MTMR10: variants seen among roughly 807,000 people sequenced by gnomAD.
MTMR10 encodes the protein myotubularin-related protein 10.
In MTMR10, 56 loss-of-function variants were observed where a neutral mutation model predicts 88.1. That is an observed-to-expected ratio of 0.64 (90% CI 0.51 to 0.79). The LOEUF is 0.79. MTMR10 is among the 30% of genes least tolerant of loss of function. The pLI, the probability that MTMR10 is intolerant of heterozygous loss-of-function variation, is 0.00. For missense variants in MTMR10, 883 were observed against 924.7 expected (o/e 0.95, Z 0.58); for synonymous variants, 380 against 340.9 (o/e 1.11, Z -1.26).
Position 30,941,092 on chromosome 15 carries a change from T to G in MTMR10, c.*378A>C. ...AGGTTTTATCAGATGCTCCTAAAAA[T>G]GACACGAAACACAAATTTCCTAACT... On this transcript the variant is annotated 3_prime_UTR_variant, in exon 16 of 16. Coordinates refer to ENST00000435680, the MANE Select transcript of MTMR10 (RefSeq NM_017762.3). 8.2e-7 allele frequency: 1 copy of G among 1,224,116 alleles called. No individual in the cohort carries two copies. Among genetic ancestry groups the G allele is most frequent in the Non-Finnish European group, 1.0e-6 (1 of 961,468 alleles). The allele number at this position is 1,224,116 out of a possible 1,614,324, so 75.8% of individuals were successfully genotyped here.
chr15:30,940,384 A>ATGG lies in MTMR10; in HGVS notation c.*1083_*1085dup. ...GGGGAGCACTTCTGTCGCTATTCAA[A>ATGG]TGGCAGTGTTTTGAGAGAATCCATT... On this transcript the variant is annotated 3_prime_UTR_variant, in exon 16 of 16. Coordinates refer to ENST00000435680, the MANE Select transcript of MTMR10 (RefSeq NM_017762.3). 2.0e-6 allele frequency: 2 copies of ATGG among 985,442 alleles called. No homozygotes were observed. Among genetic ancestry groups the ATGG allele is most frequent in the Non-Finnish European group, 2.4e-6 (2 of 829,950 alleles). The allele number at this position is 985,442 out of a possible 1,614,324, so 61.0% of individuals were successfully genotyped here. A position where few individuals can be genotyped will look rare whatever the true frequency, so the allele number is the denominator to read the frequency against.
intron 2 of MTMR10, among the ~76,000 whole-genome samples, chr15:30,983,767 G>A (rs1387464037): frequency 6.6e-6 from 1 of 152,128 alleles, no homozygotes; most frequent in African/African-American, 2.4e-5. Flanking sequence ...GGGACAAGCT[G>A]GTCACCCTAG....
chr15:30,925,313 G>C, the MTMR10 span: 48 of 1,607,284 alleles, frequency 3.0e-5, no homozygotes, highest in Non-Finnish European at 4.0e-5. Context: ...GCCTGTGGGT[G>C]CTTTGGACTT....
rs1046344652 is a variant in MTMR10, at chr15:30,991,478, G to A, written c.29C>T (p.Thr10Ile). 4 of 1,516,314 alleles carry A rather than the reference G, an allele frequency of 2.6e-6. No homozygotes were observed. Among genetic ancestry groups the A allele is most frequent in the Non-Finnish European group, 3.5e-6 (4 of 1,140,958 alleles). 93.9% of individuals were successfully genotyped at this position (1,516,314 alleles called of 1,614,324 possible). ...CGGTGGCAGGAGGTAGGACCTGAAGGTGGGTTTGGGCGGCTTGAGGGAGAA... is the reference window on the plus strand; with the variant it reads ...CGGTGGCAGGAGGTAGGACCTGAAGATGGGTTTGGGCGGCTTGAGGGAGAA... The part of the protein sequence containing the change: MFSLKPPKP[T>I]FRSYLLPPPQ... The change falls in exon 1 of 16, where the codon ACC (threonine) becomes ATC (isoleucine). Residue 10 changes from threonine (T) to isoleucine (I), a missense_variant. This residue lies in a region of MTMR10 where 414 missense variants were observed against 423.2 expected (regional missense o/e 0.98). Transcript: ENST00000435680.
chr15:30,944,967 G>C (rs1286426449), intron 14 of MTMR10, among the ~76,000 whole-genome samples: 2 of 149,418 alleles, frequency 1.3e-5, no homozygotes, highest in East Asian at 4.0e-4. Flanking sequence ...AGCTGATATT[G>C]TACCACTGTA....
chr15:30,934,270 A>G (rs144623720), downstream of MTMR10, among the ~76,000 whole-genome samples: 643 of 152,056 alleles, frequency 4.2e-3, 2 homozygotes, highest in African/African-American at 0.015. Flanking sequence ...TGTTAACATG[A>G]TACATTTTTC....
chr15:30,920,520 C>G, the MTMR10 span: 1 of 1,407,602 alleles, frequency 7.1e-7, no homozygotes, highest in Non-Finnish European at 1.0e-6. Flanking sequence ...AATTATTAAA[C>G]TACTGGTATA....
chr15:30,956,611 C>T (rs1196049202), intron 9 of MTMR10, among the ~76,000 whole-genome samples: 1 of 152,080 alleles, frequency 6.6e-6, no homozygotes, highest in Non-Finnish European at 1.5e-5. Context: ...TGCTGAGAAA[C>T]CTAAAGAAGG....
intron 2 of MTMR10, among the ~76,000 whole-genome samples, chr15:30,988,736 C>T (rs565489373): frequency 6.6e-6 from 1 of 152,250 alleles, no homozygotes; most frequent in African/African-American, 2.4e-5. Flanking sequence ...CGCCTGTAAT[C>T]CCAGCACTTT....
chr15:30,925,720 G>A, the MTMR10 span: 1 of 1,561,352 alleles, frequency 6.4e-7, no homozygotes, highest in Admixed American at 1.7e-5. Flanking sequence ...TCCTCACGAT[G>A]CTACAGGCAG....
At chr15:30,982,077 A>G (rs1418688293) in intron 2 of MTMR10, among the ~76,000 whole-genome samples, 1 of 149,042 alleles carries the variant, frequency 6.7e-6, no homozygotes, top group Non-Finnish European at 1.5e-5. Context: ...TCTCAAAAAA[A>G]AAAAGAAAAG....
the MTMR10 span, chr15:30,926,805 G>A: frequency 3.0e-6 from 3 of 985,278 alleles, no homozygotes; most frequent in Admixed American, 1.8e-4. Context: ...CCATGAGCCT[G>A]AAAAACACAC....
Position 30,947,078 on chromosome 15 carries a change from G to A in MTMR10, c.1548+52C>T, listed in dbSNP as rs1302002564. On this transcript the variant is annotated intron_variant, in intron 14 of 15. Transcript: ENST00000435680. ...GTGAATTATACTTCAATTATGCCTCGATAAAGTTGTAAAAACAGGGAAAAC... is the reference window on the plus strand; with the variant it reads ...GTGAATTATACTTCAATTATGCCTCAATAAAGTTGTAAAAACAGGGAAAAC... 1.4e-5 allele frequency: 22 copies of A among 1,525,616 alleles called. No homozygotes were observed. The East Asian group carries it at 1.9e-4, about 13-fold the overall frequency. The allele number at this position is 1,525,616 out of a possible 1,614,324, so 94.5% of individuals were successfully genotyped here. A position where few individuals can be genotyped will look rare whatever the true frequency, so the allele number is the denominator to read the frequency against.
intron 14 of MTMR10, 174 bp from the exon 15 acceptor site, chr15:30,943,246 G>C: frequency 7.3e-7 from 1 of 1,370,586 alleles, no homozygotes; most frequent in Non-Finnish European, 9.4e-7. Context: ...TTTGAGCTCA[G>C]AGGGCCCCAC....
At chr15:30,951,863 TAAGA>T (rs2063251983) in intron 12 of MTMR10, 101 bp downstream of exon 12, 5 of 978,616 alleles carry the variant, frequency 5.1e-6, no homozygotes, top group Non-Finnish European at 8.0e-6. Flanking sequence ...CTGTAGTAAA[TAAGA>T]AATAGCTAAA....
intron 5 of MTMR10, among the ~76,000 whole-genome samples, chr15:30,971,232 G>A (rs1223949625): frequency 1.3e-5 from 2 of 152,118 alleles, no homozygotes; most frequent in Non-Finnish European, 2.9e-5. Flanking sequence ...TGGTATTAAA[G>A]ACATTAAATT....
In MTMR10 at chr15:30,939,984, T is replaced by C. The variant is rs1018632944; in HGVS notation, c.*1486A>G. ...TATATCCAGAGACATTATCAAATTT[T>C]AAAAGGCAAATAATTCAAAAAGAAA... On this transcript the variant is annotated 3_prime_UTR_variant, in exon 16 of 16. Transcript: ENST00000435680. 1.0e-6 allele frequency: 1 copy of C among 979,944 alleles called. No individual in the cohort carries two copies. The highest frequency in any genetic ancestry group is 1.8e-5 in the African/African-American group (1 of 57,128). The allele number at this position is 979,944 out of a possible 1,614,324, so 60.7% of individuals were successfully genotyped here. A position where few individuals can be genotyped will look rare whatever the true frequency, so the allele number is the denominator to read the frequency against.
At chr15:30,974,560 A>G (rs1342175492) in intron 4 of MTMR10, 104 bp from the exon 5 acceptor site, 22 of 1,090,584 alleles carry the variant, frequency 2.0e-5, no homozygotes, top group Non-Finnish European at 1.2e-6. Context: ...GTCACCCAAC[A>G]TTTGAGCTCT....
At position 30,942,948 on chromosome 15, in the gene MTMR10, A is replaced by T; in HGVS notation, c.1673T>A (p.Ile558Asn). ...DRTLFHNPFY[I>N]GKSTPCIQNG... Reference sequence around the variant, plus strand: ...CTGTATACAAGGTGTGCTCTTTCCAATGTAGAAGGGGTTATGGAAAAGGGT... The same window carrying T: ...CTGTATACAAGGTGTGCTCTTTCCATTGTAGAAGGGGTTATGGAAAAGGGT... Residue 558 changes from isoleucine (I) to asparagine (N), a missense_variant, in exon 15 of 16, where the codon ATT becomes AAT. By Grantham distance (149) the Ile-to-Asn change is moderately radical. Coordinates refer to ENST00000435680, the MANE Select transcript of MTMR10 (RefSeq NM_017762.3). 6.4e-7 allele frequency: 1 copy of T among 1,564,564 alleles called. No homozygotes were observed. Among genetic ancestry groups the T allele is most frequent in the Non-Finnish European group, 8.7e-7 (1 of 1,152,368 alleles).
Sources: gnomAD v4.1 joint callset for allele counts (sites outside exome capture counted in the v4.1 genomes callset) on GRCh38, gnomAD v4.1.1 for gene constraint, gnomAD v4.1.1 regional missense constraint, MANE v1.5 for transcripts, NCBI Gene and HGNC (gene_info 2026-07-23, HGNC 2026-07-21) for gene names.